Variants in ABCD2 observed in about 807,000 individuals in gnomAD.
The protein encoded by ABCD2 is ATP-binding cassette sub-family D member 2.
A neutral mutation model predicts 70.9 loss-of-function variants in ABCD2; 36 were observed. That is an observed-to-expected ratio of 0.51 (90% CI 0.39 to 0.67). The LOEUF is 0.67. Among genes scored for constraint, ABCD2 ranks in the 30% least tolerant of loss-of-function variants. ABCD2 has a pLI of 0.00. For synonymous variants in ABCD2, 304 were observed against 306.9 expected (o/e 0.99, Z 0.10); for missense variants, 729 against 890.2 (o/e 0.82, Z 2.30).
chr12:39,544,974 A>C, the ABCD2 span, among the ~76,000 whole-genome samples: 1 of 152,256 alleles, frequency 6.6e-6, no homozygotes, highest in Non-Finnish European at 1.5e-5. Context: ...TGAAAGCATT[A>C]GTTTGGGGAC....
Position 39,584,871 on chromosome 12 carries a change from G to C in ABCD2, c.1792+1281C>G, listed in dbSNP as rs1275650719. On this transcript the variant is annotated intron_variant, in intron 7 of 9. Coordinates refer to ENST00000308666, the MANE Select transcript of ABCD2 (RefSeq NM_005164.4). ...CTGTGCTCTCCATTCTGTTTCATTG[G>C]TCTCTGTGCCTGTTTTTGTAACAGC... Among the ~76,000 whole-genome samples, 5 of 152,164 alleles carry C rather than the reference G, an allele frequency of 3.3e-5. No individual in the cohort carries two copies. In the East Asian group the frequency reaches 9.6e-4, roughly 29 times the overall value.
chr12:39,537,908 T>C, the ABCD2 span, among the ~76,000 whole-genome samples: 1 of 152,124 alleles, frequency 6.6e-6, no homozygotes, highest in Non-Finnish European at 1.5e-5. Context: ...AGAAAGTAAG[T>C]AAAAAATATT....
At chr12:39,603,143 C>T (rs1389781222) in intron 5 of ABCD2, among the ~76,000 whole-genome samples, 3 of 152,110 alleles carry the variant, frequency 2.0e-5, no homozygotes, top group African/African-American at 7.2e-5. Context: ...AATAATTAAA[C>T]CTTGACTAAA....
intron 9 of ABCD2, among the ~76,000 whole-genome samples, chr12:39,571,953 G>A (rs1288678368): frequency 1.3e-5 from 2 of 151,990 alleles, no homozygotes; most frequent in African/African-American, 4.8e-5. Flanking sequence ...TTTTCCCTGA[G>A]AGAAAGAATA....
rs201062969 is a variant in ABCD2 at position 39,560,015 on chromosome 12, C to CT, written c.2004-5885dup. On this transcript the variant is annotated intron_variant, in intron 9 of 9. Coordinates refer to ENST00000308666, the MANE Select transcript of ABCD2 (RefSeq NM_005164.4). ...AAGGGGTTATGTAAATCACTTATTT[C>CT]TTTTTTTTATTATACTTTAAGTTCT... 6.5e-3 allele frequency among the ~76,000 whole-genome samples: 984 copies of CT among 152,028 alleles called. 8 individuals are homozygous for CT. The highest frequency in any genetic ancestry group is 0.023 in the African/African-American group (942 of 41,504).
chr12:39,586,848 T>A (rs1433097801), intron 6 of ABCD2, among the ~76,000 whole-genome samples: 2 of 152,192 alleles, frequency 1.3e-5, no homozygotes, highest in East Asian at 1.9e-4. Flanking sequence ...AACAAAAAAA[T>A]TTAATTCATA....
At chr12:39,535,617 A>G in the ABCD2 span, among the ~76,000 whole-genome samples, 1 of 151,988 alleles carries the variant, frequency 6.6e-6, no homozygotes, top group Non-Finnish European at 1.5e-5. Context: ...TCTTAGATAA[A>G]TTTTTTTTGC....
downstream of ABCD2, among the ~76,000 whole-genome samples, chr12:39,547,898 A>G (rs557117905): frequency 1.5e-3 from 231 of 151,998 alleles, 2 homozygotes; most frequent in Middle Eastern, 0.014. Context: ...TTGTGTGTGT[A>G]TATGTGTATG....
At chr12:39,588,465 A>G (rs1443197235) in intron 6 of ABCD2, among the ~76,000 whole-genome samples, 1 of 152,200 alleles carries the variant, frequency 6.6e-6, no homozygotes, top group Non-Finnish European at 1.5e-5. Flanking sequence ...GAAGAAGGAG[A>G]CAGAGATGGG....
In ABCD2 at chr12:39,613,129, G is replaced by A. The variant is rs373917472; in HGVS notation, c.1120+3859C>T. On this transcript the variant is annotated intron_variant, in intron 2 of 9. Coordinates refer to ENST00000308666, the MANE Select transcript of ABCD2 (RefSeq NM_005164.4). Reference sequence around the variant, plus strand: ...GGGCCGGGCGCGGTGGCTCACGCCTGTAATCCCAGCACTTTGGGAGGCCGA... The same window carrying A: ...GGGCCGGGCGCGGTGGCTCACGCCTATAATCCCAGCACTTTGGGAGGCCGA... 5.7e-5 allele frequency among the ~76,000 whole-genome samples: 5 copies of A among 87,750 alleles called. 1 individual carries two copies. The South Asian group carries it at 1.5e-3, about 26-fold the overall frequency. 57.6% of individuals were successfully genotyped at this position (87,750 alleles called of 152,430 possible). A position where few individuals can be genotyped will look rare whatever the true frequency, so the allele number is the denominator to read the frequency against.
In ABCD2 at chr12:39,619,302, C is replaced by T; in HGVS notation, c.314G>A (p.Gly105Glu). 4 of 1,614,026 alleles carry T rather than the reference C, an allele frequency of 2.5e-6. No individual in the cohort carries two copies. Among genetic ancestry groups the T allele is most frequent in the Non-Finnish European group, 3.4e-6 (4 of 1,180,022 alleles). ...AGCCACTGAGTGCAGGCAGAGCCACCCTGTTTCAGTGGTCACAAGTTTTGG... is the reference window on the plus strand; with the variant it reads ...AGCCACTGAGTGCAGGCAGAGCCACTCTGTTTCAGTGGTCACAAGTTTTGG... Reference protein sequence around the residue: ...LFPKLVTTETGWLCLHSVALI... With the variant: ...LFPKLVTTETEWLCLHSVALI... The change falls in exon 1 of 10, where the codon GGG becomes GAG. Residue 105 changes from glycine (G) to glutamate (E), a missense_variant. Coordinates refer to ENST00000308666, the MANE Select transcript of ABCD2 (RefSeq NM_005164.4).
chr12:39,595,629 G>T (rs1046004564), intron 6 of ABCD2, among the ~76,000 whole-genome samples: 10 of 152,020 alleles, frequency 6.6e-5, no homozygotes, highest in Admixed American at 1.3e-4. Context: ...TTTAATCTAG[G>T]AGATTAAGTA....
chr12:39,560,650 A>G (rs1361106372), intron 9 of ABCD2, among the ~76,000 whole-genome samples: 2 of 152,146 alleles, frequency 1.3e-5, no homozygotes, highest in African/African-American at 2.4e-5. Context: ...ATCTGTTAAC[A>G]TATATACAAT....
chr12:39,594,429 C>T (rs1413472912), intron 6 of ABCD2, among the ~76,000 whole-genome samples: 1 of 152,102 alleles, frequency 6.6e-6, no homozygotes, highest in Non-Finnish European at 1.5e-5. Context: ...CCTAGAGATG[C>T]TCAATCCTGG....
chr12:39,592,777 T>C (rs1941764132), intron 6 of ABCD2, among the ~76,000 whole-genome samples: 1 of 152,200 alleles, frequency 6.6e-6, no homozygotes, highest in Non-Finnish European at 1.5e-5. Context: ...TCTGCCTCTT[T>C]CTTAAATAAA....
At chr12:39,614,481 T>G (rs1452656602) in intron 2 of ABCD2, among the ~76,000 whole-genome samples, 1 of 152,074 alleles carries the variant, frequency 6.6e-6, no homozygotes, top group African/African-American at 2.4e-5. Context: ...TTCTTCATTT[T>G]ATCCTCTTTT....
At chr12:39,597,419 C>T (rs911432468) in intron 6 of ABCD2, among the ~76,000 whole-genome samples, 7 of 152,064 alleles carry the variant, frequency 4.6e-5, no homozygotes, top group Non-Finnish European at 7.4e-5. Flanking sequence ...TAGGAAGTAA[C>T]AAATAGGCCA....
At chr12:39,555,770 T>C (rs1364578590) in intron 9 of ABCD2, among the ~76,000 whole-genome samples, 3 of 152,168 alleles carry the variant, frequency 2.0e-5, no homozygotes, top group Non-Finnish European at 4.4e-5. Context: ...CTGTTGTCCC[T>C]GTCAGACAAA....
rs903999686 is a variant in ABCD2, at chr12:39,559,208, A to G, written c.2004-5077T>C. 5.9e-5 allele frequency among the ~76,000 whole-genome samples: 9 copies of G among 151,958 alleles called. No individual in the cohort carries two copies. In the South Asian group the frequency reaches 8.3e-4, roughly 14 times the overall value. On this transcript the variant is annotated intron_variant, in intron 9 of 9. Coordinates refer to ENST00000308666, the MANE Select transcript of ABCD2 (RefSeq NM_005164.4). The stretch of plus-strand genomic sequence containing the variant: ...ACCAACCTGGTGAAACCCTGTCTCT[A>G]CTAAAAATACAAAATTAGCCCAGCG...
Sources: gnomAD v4.1 joint callset for allele counts (sites outside exome capture counted in the v4.1 genomes callset) on GRCh38, gnomAD v4.1.1 for gene constraint, MANE v1.5 for transcripts, NCBI Gene and HGNC (gene_info 2026-07-23, HGNC 2026-07-21) for gene names.